PAX3: variants seen among roughly 807,000 people sequenced by gnomAD.
PAX3 encodes paired box 3, also known as paired box protein Pax-3.
In PAX3, 14 loss-of-function variants were observed where a neutral mutation model predicts 51.6. The ratio of observed to expected loss-of-function variants is 0.27; its 90% confidence interval spans 0.18 to 0.42. PAX3 has a LOEUF of 0.42. Among genes scored for constraint, PAX3 ranks in the 10% least tolerant of loss-of-function variants. The pLI is 1.00. For synonymous variants in PAX3, 280 were observed against 253.4 expected (o/e 1.11, Z -1.00); for missense variants, 540 against 642.8 (o/e 0.84, Z 1.73).
At chr2:222,283,532 A>G (rs1026134483) in intron 4 of PAX3, among the ~76,000 whole-genome samples, 1 of 152,228 alleles carries the variant, frequency 6.6e-6, no homozygotes, top group Non-Finnish European at 1.5e-5. Flanking sequence ...CTGACAAAGT[A>G]TATATTTCAC....
In PAX3 at chr2:222,202,008, G is replaced by T. The variant is rs764632216; in HGVS notation, c.1356C>A (p.Thr452=). The T allele has an allele frequency of 1.2e-6, 2 of 1,614,072 alleles. No homozygotes were observed. Among genetic ancestry groups the T allele is most frequent in the East Asian group, 2.2e-5 (1 of 44,844 alleles). ...CCATACTGTAGCCTGTGGTGCTATA[G>T]GTGGGTGGACAGTAGGACTGAGATG... The part of the protein sequence containing the change: ...LPTSQSYCPP[T]YSTTGYSMDP... The change falls in exon 8 of 9, where the codon ACC becomes ACA. Residue 452 remains threonine, a synonymous_variant. Coordinates refer to ENST00000392070, the MANE Select transcript of PAX3 (RefSeq NM_181458.4).
intron 4 of PAX3, among the ~76,000 whole-genome samples, chr2:222,291,531 C>T (rs1343977181): frequency 6.6e-6 from 1 of 152,210 alleles, no homozygotes; most frequent in Non-Finnish European, 1.5e-5. Flanking sequence ...TGAGGTGATT[C>T]TGACCTCATT....
intron 3 of PAX3, among the ~76,000 whole-genome samples, 164 bp downstream of exon 3, chr2:222,295,364 C>T (rs1037601791): frequency 6.6e-6 from 1 of 152,214 alleles, no homozygotes; most frequent in African/African-American, 2.4e-5. Flanking sequence ...CCCCTCCCTC[C>T]ATAAAGTGCC....
chr2:222,206,986 T>C (rs1287576049), intron 7 of PAX3, among the ~76,000 whole-genome samples: 1 of 151,974 alleles, frequency 6.6e-6, no homozygotes, highest in African/African-American at 2.4e-5. Context: ...AACATACACA[T>C]TTAGTTTGTT....
rs78225235 is a variant in PAX3, at chr2:222,241,801, A to G, written c.587-9518T>C. On this transcript the variant is annotated intron_variant, in intron 4 of 8. Transcript: ENST00000392070. ...ACACTTCAAACAATTTGAAAGAACA[A>G]TGGGCGTTTTTAATCTCTCACAATT... Among the ~76,000 whole-genome samples, 105 of 152,358 alleles carry G rather than the reference A, an allele frequency of 6.9e-4. No individual in the cohort carries two copies. The East Asian group carries it at 0.015, about 22-fold the overall frequency.
chr2:222,244,734 CAAAAAA>C (rs35127003), intron 4 of PAX3, among the ~76,000 whole-genome samples: 3 of 109,714 alleles, frequency 2.7e-5, no homozygotes, highest in Admixed American at 9.1e-5. Context: ...TATTGTTCAC[CAAAAAA>C]AAAAAAAAAA....
intron 4 of PAX3, among the ~76,000 whole-genome samples, chr2:222,233,740 T>C (rs142090882): frequency 6.6e-6 from 1 of 152,302 alleles, no homozygotes; most frequent in Non-Finnish European, 1.5e-5. Flanking sequence ...CAGAGCAGCC[T>C]GGCTCTTGAA....
chr2:222,292,481 A>T (rs989659938), intron 4 of PAX3, among the ~76,000 whole-genome samples: 18 of 152,324 alleles, frequency 1.2e-4, no homozygotes, highest in Admixed American at 9.8e-4. Flanking sequence ...TGACCAGCTC[A>T]TTTGGGACGT....
Position 222,298,722 on chromosome 2 carries a change from C to A in PAX3, c.-107G>T. 1 of 1,111,652 alleles carries A rather than the reference C, an allele frequency of 9.0e-7. No homozygotes were observed. The highest frequency in any genetic ancestry group is 1.3e-6 in the Non-Finnish European group (1 of 753,544). 68.9% of individuals were successfully genotyped at this position (1,111,652 alleles called of 1,614,324 possible). A position where few individuals can be genotyped will look rare whatever the true frequency, so the allele number is the denominator to read the frequency against. ...ACTATCCGGAGCGTGGAGAGCCCCT[C>A]CCCAAAACGGCTGGAGAGAGAGGGA... On this transcript the variant is annotated 5_prime_UTR_variant, in exon 1 of 9. Coordinates refer to ENST00000392070, the MANE Select transcript of PAX3 (RefSeq NM_181458.4).
At chr2:222,291,009 G>A (rs951330350) in intron 4 of PAX3, among the ~76,000 whole-genome samples, 3 of 152,102 alleles carry the variant, frequency 2.0e-5, no homozygotes, top group African/African-American at 7.2e-5. Flanking sequence ...CAATTGAGTC[G>A]GCTGCAGCCC....
intron 4 of PAX3, among the ~76,000 whole-genome samples, chr2:222,232,724 G>A (rs2106096136): frequency 6.6e-6 from 1 of 152,108 alleles, no homozygotes; most frequent in East Asian, 1.9e-4. Flanking sequence ...ATTGAGTTTT[G>A]TTTCTGATAA....
intron 4 of PAX3, among the ~76,000 whole-genome samples, chr2:222,276,838 C>G (rs977843619): frequency 1.7e-4 from 26 of 152,206 alleles, no homozygotes; most frequent in African/African-American, 2.9e-4. Flanking sequence ...CAAGATCCCC[C>G]CTAAGGGGCT....
rs145858704 is a variant in PAX3, at chr2:222,201,083, T to C, written c.*325A>G. On this transcript the variant is annotated 3_prime_UTR_variant, in exon 9 of 9. Transcript: ENST00000392070. ...CGCACGCACACAAGCAAATGGAATG[T>C]TCTAGCTCCTCGATGATCAGCACTA... 3 of 1,378,616 alleles carry C rather than the reference T, an allele frequency of 2.2e-6. No individual in the cohort carries two copies. The highest frequency in any genetic ancestry group is 4.8e-5 in the East Asian group (2 of 42,012). 85.4% of individuals were successfully genotyped at this position (1,378,616 alleles called of 1,614,324 possible).
chr2:222,223,308 A>G (rs1692268725), intron 5 of PAX3, among the ~76,000 whole-genome samples: 2 of 152,228 alleles, frequency 1.3e-5, no homozygotes, highest in South Asian at 4.1e-4. Context: ...CAACAGGAAA[A>G]CGAGGTAAGT....
intron 4 of PAX3, among the ~76,000 whole-genome samples, chr2:222,274,146 C>T (rs1392088972): frequency 6.6e-6 from 1 of 152,126 alleles, no homozygotes; most frequent in Non-Finnish European, 1.5e-5. Context: ...TTCATTTTCT[C>T]CAAATTCTAA....
At chr2:222,258,194 G>C (rs140366047) in intron 4 of PAX3, among the ~76,000 whole-genome samples, 1 of 152,122 alleles carries the variant, frequency 6.6e-6, no homozygotes, top group Non-Finnish European at 1.5e-5. Context: ...GAACTATAGT[G>C]GTGGAAAAAA....
At chr2:222,251,545 T>C (rs1479001873) in intron 4 of PAX3, among the ~76,000 whole-genome samples, 1 of 152,200 alleles carries the variant, frequency 6.6e-6, no homozygotes, top group Non-Finnish European at 1.5e-5. Context: ...GTCTTTGCTA[T>C]TGTGAATAGT....
intron 7 of PAX3, among the ~76,000 whole-genome samples, chr2:222,207,956 C>T (rs1366974149): frequency 6.6e-6 from 1 of 150,978 alleles, no homozygotes; most frequent in Non-Finnish European, 1.5e-5. Context: ...AGCCTTCCCT[C>T]TAAAGTGTGT....
intron 4 of PAX3, among the ~76,000 whole-genome samples, chr2:222,269,811 A>C (rs1694186939): frequency 6.6e-6 from 1 of 152,228 alleles, no homozygotes; most frequent in Non-Finnish European, 1.5e-5. Flanking sequence ...CAGAGGGAAA[A>C]TGTGATGACT....
Sources: gnomAD v4.1 joint callset for allele counts (sites outside exome capture counted in the v4.1 genomes callset) on GRCh38, gnomAD v4.1.1 for gene constraint, MANE v1.5 for transcripts, NCBI Gene and HGNC (gene_info 2026-07-23, HGNC 2026-07-21) for gene names.